SOBP: variants seen among roughly 807,000 people sequenced by gnomAD.
SOBP encodes sine oculis binding protein homolog, also known as sine oculis-binding protein homolog.
In SOBP, 4 loss-of-function variants were observed where a neutral mutation model predicts 53.6. That is an observed-to-expected ratio of 0.07 (90% confidence interval 0.04 to 0.17). SOBP has a LOEUF of 0.17. Ranked by LOEUF, SOBP falls within the 10% of genes least tolerant of loss-of-function variation. SOBP has a pLI of 1.00. For synonymous variants in SOBP, 584 were observed against 522.6 expected (o/e 1.12, Z -1.60); for missense variants, 1,088 against 1,204.7 (o/e 0.90, Z 1.43).
rs574559823 is a variant in SOBP at position 107,604,950 on chromosome 6, C to G, written c.669+17775C>G. 9.2e-5 allele frequency among the ~76,000 whole-genome samples: 14 copies of G among 152,336 alleles called. No individual in the cohort carries two copies. The South Asian group carries it at 2.9e-3, about 32-fold the overall frequency. ...TAAAATTAAATATGACATTTCAGTTCATAAAAATTCTTTGGCCCATCTGGC... is the reference window on the plus strand; with the variant it reads ...TAAAATTAAATATGACATTTCAGTTGATAAAAATTCTTTGGCCCATCTGGC... On this transcript the variant is annotated intron_variant, in intron 5 of 6. Coordinates refer to ENST00000317357, the MANE Select transcript of SOBP (RefSeq NM_018013.4).
intron 4 of SOBP, among the ~76,000 whole-genome samples, chr6:107,584,087 A>G (rs1483669573): frequency 2.6e-5 from 4 of 152,066 alleles, no homozygotes; most frequent in African/African-American, 9.7e-5. Context: ...TCTGGCAGCT[A>G]TGCCAAGGGC....
At chr6:107,562,745 C>G (rs1784807509) in intron 4 of SOBP, among the ~76,000 whole-genome samples, 1 of 151,132 alleles carries the variant, frequency 6.6e-6, no homozygotes, top group Admixed American at 6.6e-5. Context: ...ACCTGAGGGA[C>G]AAATCTAAAA....
At chr6:107,549,253 C>T (rs1282001049) in intron 4 of SOBP, among the ~76,000 whole-genome samples, 2 of 151,610 alleles carry the variant, frequency 1.3e-5, no homozygotes, top group African/African-American at 2.4e-5. Flanking sequence ...GGCAACAGAG[C>T]GAGACTTCAT....
Position 107,605,283 on chromosome 6 carries a change from A to G in SOBP, c.669+18108A>G, listed in dbSNP as rs79444091. Among the ~76,000 whole-genome samples the G allele has an allele frequency of 6.7e-3, 1,017 of 152,368 alleles. 16 individuals are homozygous for G. Among genetic ancestry groups the G allele is most frequent in the African/African-American group, 0.023 (973 of 41,584 alleles). ...CACTTGTACCAGAATATTAAAGACCAGGCAACCCCATCTCCAGGCCCCCAT... is the reference window on the plus strand; with the variant it reads ...CACTTGTACCAGAATATTAAAGACCGGGCAACCCCATCTCCAGGCCCCCAT... On this transcript the variant is annotated intron_variant, in intron 5 of 6. Coordinates refer to ENST00000317357, the MANE Select transcript of SOBP (RefSeq NM_018013.4).
Position 107,506,831 on chromosome 6 carries a change from G to A in SOBP, c.421+404G>A, listed in dbSNP as rs867416877. Among the ~76,000 whole-genome samples the A allele has an allele frequency of 4.6e-5, 7 of 151,950 alleles. No homozygotes were observed. In the South Asian group the frequency reaches 6.2e-4, roughly 14 times the overall value. ...TGCACTTTGGGAGGCTGAGGCGGGC[G>A]GATCACCTGAGGTCAGGAGTTTGAG... On this transcript the variant is annotated intron_variant, in intron 3 of 6. Transcript: ENST00000317357.
chr6:107,607,984 C>T (rs967508846), intron 5 of SOBP, among the ~76,000 whole-genome samples: 2 of 152,170 alleles, frequency 1.3e-5, no homozygotes, highest in African/African-American at 4.8e-5. Flanking sequence ...ATGGGCTACC[C>T]ACTCACACAA....
chr6:107,541,837 A>G (rs1291601057), intron 4 of SOBP, among the ~76,000 whole-genome samples: 1 of 152,204 alleles, frequency 6.6e-6, no homozygotes, highest in Non-Finnish European at 1.5e-5. Context: ...AAGTGGAGCA[A>G]TATAAATTGA....
At chr6:107,640,631 A>G (rs1041778618) in intron 6 of SOBP, among the ~76,000 whole-genome samples, 5 of 152,236 alleles carry the variant, frequency 3.3e-5, no homozygotes, top group Admixed American at 3.3e-4. Flanking sequence ...TCCCAATTCA[A>G]TGCTGCTGGG....
chr6:107,645,406 T>G (rs532127453), intron 6 of SOBP, among the ~76,000 whole-genome samples: 1 of 152,190 alleles, frequency 6.6e-6, no homozygotes, highest in South Asian at 2.1e-4. Flanking sequence ...ATGCTGACTT[T>G]GCTCAGGTCT....
At chr6:107,521,636 G>A (rs1450368357) in intron 3 of SOBP, among the ~76,000 whole-genome samples, 1 of 152,096 alleles carries the variant, frequency 6.6e-6, no homozygotes, top group Non-Finnish European at 1.5e-5. Flanking sequence ...CCGATTTTTA[G>A]CTATTATGAA....
At chr6:107,568,747 T>C (rs1042759642) in intron 4 of SOBP, among the ~76,000 whole-genome samples, 4 of 152,234 alleles carry the variant, frequency 2.6e-5, no homozygotes, top group Non-Finnish European at 5.9e-5. Context: ...TCCTATATTG[T>C]AATTCTTATT....
intron 3 of SOBP, among the ~76,000 whole-genome samples, chr6:107,520,856 CA>C (rs1783464336): frequency 6.6e-6 from 1 of 152,190 alleles, no homozygotes; most frequent in Admixed American, 6.5e-5. Flanking sequence ...ACTTTGTTCT[CA>C]AAGGCAGTGC....
chr6:107,518,877 G>T (rs1226546340), intron 3 of SOBP, among the ~76,000 whole-genome samples: 1 of 150,388 alleles, frequency 6.6e-6, no homozygotes, highest in East Asian at 1.9e-4. Flanking sequence ...AAGCAACTAA[G>T]CCCTAGAATG....
rs1221160470 is a variant in SOBP, at chr6:107,660,698, T to G, written c.*2495T>G. Among the ~76,000 whole-genome samples the G allele has an allele frequency of 6.6e-6, 1 of 152,214 alleles. No homozygotes were observed. Among genetic ancestry groups the G allele is most frequent in the Non-Finnish European group, 1.5e-5 (1 of 68,036 alleles). Reference sequence around the variant, plus strand: ...CTAAGGTGGAAAGTATGCTAATATCTAGTTCTAGTCATTGTAAATCTAGTT... The same window carrying G: ...CTAAGGTGGAAAGTATGCTAATATCGAGTTCTAGTCATTGTAAATCTAGTT... On this transcript the variant is annotated 3_prime_UTR_variant, in exon 7 of 7. Coordinates refer to ENST00000317357, the MANE Select transcript of SOBP (RefSeq NM_018013.4).
chr6:107,583,063 TG>T (rs1785453741), intron 4 of SOBP, among the ~76,000 whole-genome samples: 1 of 152,220 alleles, frequency 6.6e-6, no homozygotes, highest in East Asian at 1.9e-4. Context: ...CCCACCCAAG[TG>T]GGGGCAGATG....
chr6:107,590,673 C>T (rs1785714084), intron 5 of SOBP, among the ~76,000 whole-genome samples: 1 of 152,126 alleles, frequency 6.6e-6, no homozygotes, highest in Non-Finnish European at 1.5e-5. Flanking sequence ...AGAATTCTTC[C>T]TGGTCACTTA....
rs1244163002 is a variant in SOBP, at chr6:107,658,248, G to C, written c.*45G>C. 1 of 152,760 alleles carries C rather than the reference G, an allele frequency of 6.5e-6. No individual in the cohort carries two copies. Among genetic ancestry groups the C allele is most frequent in the African/African-American group, 2.4e-5 (1 of 41,440 alleles). The allele number at this position is 152,760 out of a possible 1,614,324, so 9.5% of individuals were successfully genotyped here. On this transcript the variant is annotated 3_prime_UTR_variant, in exon 7 of 7. Coordinates refer to ENST00000317357, the MANE Select transcript of SOBP (RefSeq NM_018013.4). ...GGTACGCTCATGGAGAGAGGGCGCA[G>C]AGCAAACCATGTCACGCCATCCAAT...
intron 4 of SOBP, among the ~76,000 whole-genome samples, chr6:107,540,607 C>T (rs921120947): frequency 1.3e-5 from 2 of 152,224 alleles, no homozygotes; most frequent in African/African-American, 4.8e-5. Flanking sequence ...CTGCTACAAG[C>T]TCTGTGAGGC....
At chr6:107,645,866 C>G (rs1461763444) in intron 6 of SOBP, among the ~76,000 whole-genome samples, 1 of 152,168 alleles carries the variant, frequency 6.6e-6, no homozygotes, top group African/African-American at 2.4e-5. Context: ...GGCACAGACA[C>G]AGAAAAGAGC....
Sources: gnomAD v4.1 joint callset for allele counts (sites outside exome capture counted in the v4.1 genomes callset) on GRCh38, gnomAD v4.1.1 for gene constraint, MANE v1.5 for transcripts, NCBI Gene and HGNC (gene_info 2026-07-23, HGNC 2026-07-21) for gene names.